TRNT1: variants seen among roughly 807,000 people sequenced by gnomAD.
TRNT1 encodes the protein tRNA nucleotidyl transferase 1.
Under a neutral mutation model 45.6 loss-of-function variants are expected in TRNT1, and 44 were observed. The observed-to-expected ratio is 0.97, with a 90% CI of 0.76 to 1.24. TRNT1 has a LOEUF of 1.24. TRNT1 is among the 50% of genes most tolerant of loss of function. The pLI is 0.00. For synonymous variants in TRNT1, 201 were observed against 171.4 expected, an observed-to-expected ratio of 1.17 and a Z score of -1.35; for missense variants, 633 against 504.4, an observed-to-expected ratio of 1.25 and a Z score of -2.44.
chr3:3,149,634 C>CACACAA (rs1706341619), downstream of TRNT1: 2 of 151,998 alleles, frequency 1.3e-5, no homozygotes, highest in Non-Finnish European at 2.9e-5. Flanking sequence ...CCAGTGAAGT[C>CACACAA]ACACAAACCC....
Position 3,147,604 on chromosome 3 carries a change from GA to G in TRNT1, c.962del (p.Asn321ThrfsTer6). The G allele has an allele frequency of 1.2e-6, 2 of 1,613,850 alleles. No homozygotes were observed. Among genetic ancestry groups the G allele is most frequent in the Non-Finnish European group, 1.7e-6 (2 of 1,179,854 alleles). ...DLRLKIAKEEKNLGLFIVKNR... is the reference protein window; with the variant it reads ...DLRLKIAKEEXNLGLFIVKNR... ...TGAGGTTGAAGATCGCAAAAGAGGA[GA>G]AAAACCTTGGCTTATTTATAGTTAA... On this transcript the variant is annotated frameshift_variant, in exon 7 of 8. Transcript: ENST00000251607. LOFTEE classifies it high-confidence loss of function.
chr3:3,150,402 A>T (rs1706436671), downstream of TRNT1: 1 of 153,872 alleles, frequency 6.5e-6, no homozygotes, highest in South Asian at 2.0e-4. Flanking sequence ...CTTCTTTCCA[A>T]AAGGAACATG....
chr3:3,136,596 T>C (rs1196651454), intron 2 of TRNT1: 1 of 425,342 alleles, frequency 2.4e-6, no homozygotes, highest in Non-Finnish European at 4.6e-6. Flanking sequence ...TTACCATTTC[T>C]AAAGTATGCA....
At chr3:3,146,657 G>T in intron 6 of TRNT1, 34 bp downstream of exon 6, 1 of 1,492,644 alleles carries the variant, frequency 6.7e-7, no homozygotes, top group South Asian at 1.3e-5. Flanking sequence ...TGAATTTTTG[G>T]CAGTGAAATA....
downstream of TRNT1, chr3:3,153,104 A>C: frequency 3.1e-6 from 1 of 323,186 alleles, no homozygotes; most frequent in South Asian, 3.4e-5. Context: ...ACTGAAATGT[A>C]ATTTCTGAAG....
In TRNT1 at chr3:3,147,716, T is replaced by G. The variant is rs993000188; in HGVS notation, c.1056+13T>G. The G allele has an allele frequency of 1.3e-6, 2 of 1,588,590 alleles. No homozygotes were observed. The highest frequency in any genetic ancestry group is 3.6e-5 in the Admixed American group (2 of 54,990). On this transcript the variant is annotated intron_variant, in intron 7 of 7. Coordinates refer to ENST00000251607, the MANE Select transcript of TRNT1 (RefSeq NM_182916.3). ...CTTCATTATAGATGTAAGTATATAC[T>G]AGGCTTGGTCAGAAATATGAAGTAT...
In TRNT1 at chr3:3,148,067, T is replaced by G; in HGVS notation, c.1218T>G (p.Ala406=). The change falls in exon 8 of 8, where the codon GCT becomes GCG. Residue 406 remains alanine, a synonymous_variant. Coordinates refer to ENST00000251607, the MANE Select transcript of TRNT1 (RefSeq NM_182916.3). ...TTTCTTCAGGAAAAGAAATTGGGGC[T>G]CTATTACAACAGTTGCGAGAACAGT... ...VGISSGKEIG[A]LLQQLREQWK... 10 of 1,613,934 alleles carry G rather than the reference T, an allele frequency of 6.2e-6. No individual in the cohort carries two copies. Among genetic ancestry groups the G allele is most frequent in the Non-Finnish European group, 8.5e-6 (10 of 1,179,862 alleles).
intron 3 of TRNT1, among the ~76,000 whole-genome samples, chr3:3,139,311 C>T (rs187087768): frequency 1.8e-4 from 27 of 152,220 alleles, no homozygotes; most frequent in African/African-American, 6.0e-4. Context: ...ATACTTGTGC[C>T]TCAAATTCTT....
chr3:3,144,456 TA>T, intron 4 of TRNT1, 127 bp from the exon 5 acceptor site: 1 of 837,922 alleles, frequency 1.2e-6, no homozygotes, highest in Non-Finnish European at 1.9e-6. Flanking sequence ...TATGAATACG[TA>T]TGTGTTTTAA....
At chr3:3,132,591 G>A (rs1446890591) in intron 2 of TRNT1, among the ~76,000 whole-genome samples, 8 of 102,348 alleles carry the variant, frequency 7.8e-5, no homozygotes, top group Non-Finnish European at 7.8e-5. Context: ...TAGATGACAC[G>A]TTAGTGGGTG....
downstream of TRNT1, chr3:3,150,671 A>T (rs1270029708): frequency 1.8e-6 from 1 of 561,520 alleles, no homozygotes; most frequent in Non-Finnish European, 3.1e-6. Flanking sequence ...ACTGCCGTTC[A>T]TGCTTGTTTC....
chr3:3,134,960 C>G (rs1301968507), intron 2 of TRNT1, among the ~76,000 whole-genome samples: 2 of 151,964 alleles, frequency 1.3e-5, no homozygotes, highest in African/African-American at 4.8e-5. Flanking sequence ...TGAGCTAGAT[C>G]ATTGTTTTCC....
At chr3:3,130,737 T>C (rs1365469033) in intron 2 of TRNT1, 1 of 152,180 alleles carries the variant, frequency 6.6e-6, no homozygotes, top group African/African-American at 2.4e-5. Context: ...ATGAATTTTG[T>C]ATAAAAATTG....
rs1466934147 is a variant in TRNT1 at position 3,129,192 on chromosome 3, A to G, written c.148+4A>G. On this transcript the variant is annotated splice_donor_region_variant and intron_variant, in intron 2 of 7. Coordinates refer to ENST00000251607, the MANE Select transcript of TRNT1 (RefSeq NM_182916.3). ...GAAGGACTGAAGAGTCTGACAGGTG[A>G]GAGATTAGGATACCTTTTCTTGATT... is the stretch of plus-strand genomic sequence containing the variant. 2 of 1,613,630 alleles carry G rather than the reference A, an allele frequency of 1.2e-6. No individual in the cohort carries two copies. The highest frequency in any genetic ancestry group is 2.7e-5 in the African/African-American group (2 of 74,924).
At chr3:3,137,569 A>C (rs2126017898) in intron 3 of TRNT1, 116 bp downstream of exon 3, 2 of 853,586 alleles carry the variant, frequency 2.3e-6, no homozygotes, top group Non-Finnish European at 1.8e-6. Flanking sequence ...AGTCTCTTCT[A>C]TGCCCGTCAT....
rs531255608 is a variant in TRNT1 at position 3,131,528 on chromosome 3, A to G, written c.148+2340A>G. On this transcript the variant is annotated intron_variant, in intron 2 of 7. Coordinates refer to ENST00000251607, the MANE Select transcript of TRNT1 (RefSeq NM_182916.3). ...TTCCTTACACCTTATACAAAAATCA[A>G]TTCAAGATGGATTAAAGATTTAAAC... 4.0e-5 allele frequency: 6 copies of G among 151,628 alleles called. 1 individual carries two copies. In the East Asian group the frequency reaches 1.0e-3, roughly 25 times the overall value. 9.4% of individuals were successfully genotyped at this position (151,628 alleles called of 1,614,324 possible).
chr3:3,134,309 A>C lies in TRNT1; in HGVS notation c.149-2951A>C, dbSNP rs890279724. On this transcript the variant is annotated intron_variant, in intron 2 of 7. Transcript: ENST00000251607. The stretch of plus-strand genomic sequence containing the variant: ...AATGTGAAATTATGCTTTTCTTATA[A>C]TTTTTATGACTGCTCTTTCATATAG... 5.3e-5 allele frequency among the ~76,000 whole-genome samples: 8 copies of C among 152,286 alleles called. No individual in the cohort carries two copies. The South Asian group carries it at 6.2e-4, about 12-fold the overall frequency.
intron 3 of TRNT1, among the ~76,000 whole-genome samples, chr3:3,137,691 C>T (rs1458958964): frequency 6.7e-6 from 1 of 150,070 alleles, no homozygotes; most frequent in Non-Finnish European, 1.5e-5. Flanking sequence ...TTTACTATCC[C>T]AGTTTTAAGA....
Position 3,147,919 on chromosome 3 carries a change from A to C in TRNT1, c.1070A>C (p.Asp357Ala). 1 of 1,612,334 alleles carries C rather than the reference A, an allele frequency of 6.2e-7. No individual in the cohort carries two copies. The highest frequency in any genetic ancestry group is 8.5e-7 in the Non-Finnish European group (1 of 1,179,024). Residue 357 changes from aspartate to alanine, a missense_variant, in exon 8 of 8, where the codon GAT becomes GCT. Physicochemically the swap from Asp to Ala is moderately radical, Grantham distance 126. Coordinates refer to ENST00000251607, the MANE Select transcript of TRNT1 (RefSeq NM_182916.3). ...TTTGACACGTAGTCTAGGGAACCTG[A>C]TGCAACTACTCGTGTATGTGAACTA... ...QDFIIDSREP[D>A]ATTRVCELLK...
Sources: gnomAD v4.1 joint callset for allele counts (sites outside exome capture counted in the v4.1 genomes callset) on GRCh38, gnomAD v4.1.1 for gene constraint, MANE v1.5 for transcripts, NCBI Gene and HGNC (gene_info 2026-07-23, HGNC 2026-07-21) for gene names.